ZUP1: variants seen among roughly 807,000 people sequenced by gnomAD.
The protein encoded by ZUP1 is zinc finger containing ubiquitin peptidase 1.
ZUP1 carries 55 observed loss-of-function variants against 68.1 expected under a neutral mutation model. That is an observed-to-expected ratio of 0.81 (90% CI 0.65 to 1.01). The LOEUF is 1.01. Among genes scored for constraint, ZUP1 ranks in the 50% least tolerant of loss-of-function variants. The probability of loss-of-function intolerance (pLI) is 0.00; values close to 1 mark genes in which losing one functional copy is unlikely to be tolerated. For synonymous variants in ZUP1, 223 were observed against 221.5 expected (o/e 1.01, Z -0.06); for missense variants, 684 against 674.9 (o/e 1.01, Z -0.15).
intron 7 of ZUP1, among the ~76,000 whole-genome samples, chr6:116,650,459 G>A (rs1583369530): frequency 6.7e-6 from 1 of 149,956 alleles, no homozygotes; most frequent in African/African-American, 2.5e-5. Flanking sequence ...TAGTTCAGTG[G>A]CCAACTATCA....
intron 8 of ZUP1, chr6:116,646,153 A>T (rs1394034109): frequency 1.0e-5 from 4 of 386,702 alleles, no homozygotes; most frequent in Non-Finnish European, 1.8e-5. Flanking sequence ...ACCAAAAAAA[A>T]CATTTTTATT....
At chr6:116,668,026 T>G (rs1187368371) in intron 1 of ZUP1, among the ~76,000 whole-genome samples, 1 of 152,090 alleles carries the variant, frequency 6.6e-6, no homozygotes, top group Non-Finnish European at 1.5e-5. Flanking sequence ...AAAAAATAAT[T>G]TTAAAAAAAG....
Position 116,666,996 on chromosome 6 carries a change from T to C in ZUP1, c.197A>G (p.Asn66Ser). 1 of 1,613,800 alleles carries C rather than the reference T, an allele frequency of 6.2e-7. No homozygotes were observed. Among genetic ancestry groups the C allele is most frequent in the Admixed American group, 1.7e-5 (1 of 60,008 alleles). Reference protein sequence around the residue: ...NTLERNFERINTVQYGTSDNK... With the variant: ...NTLERNFERISTVQYGTSDNK... ...ATCTGAAGTTCCATATTGTACTGTA[T>C]TTATCCTCTCAAAGTTTCTTTCAAG... The change falls in exon 2 of 10, where the codon AAT becomes AGT. Residue 66 changes from asparagine (N) to serine (S), a missense_variant. Physicochemically the swap from Asn to Ser is conservative, Grantham distance 46. Transcript: ENST00000368576.
Position 116,645,927 on chromosome 6 carries a change from A to T in ZUP1, c.1476T>A (p.Ser492Arg). 6.2e-7 allele frequency: 1 copy of T among 1,608,276 alleles called. No homozygotes were observed. The highest frequency in any genetic ancestry group is 1.1e-5 in the South Asian group (1 of 90,100). The change falls in exon 9 of 10, where the codon AGT becomes AGA. Residue 492 changes from serine (S) to arginine (R), a missense_variant. Transcript: ENST00000368576. ...TCTCTTCAATTCCAATAACAGTTCG[A>T]CTGTGACCTATCAAAAGATTTTTAA... ...PPIYLQHQGH[S>R]RTVIGIEEKK...
At chr6:116,659,657 A>ACAAAGTG (rs1456052517) in intron 3 of ZUP1, among the ~76,000 whole-genome samples, 1 of 152,154 alleles carries the variant, frequency 6.6e-6, no homozygotes, top group African/African-American at 2.4e-5. Context: ...ATACACATTT[A>ACAAAGTG]CAAAGTGCAG....
chr6:116,656,594 T>C (rs1006660143), intron 5 of ZUP1, 90 bp downstream of exon 5: 45 of 1,089,632 alleles, frequency 4.1e-5, no homozygotes, highest in Non-Finnish European at 5.6e-5. Context: ...GCACAGATTA[T>C]GAAAATTAAG....
At chr6:116,638,003 T>C (rs1420052611) in intron 9 of ZUP1, among the ~76,000 whole-genome samples, 1 of 150,798 alleles carries the variant, frequency 6.6e-6, no homozygotes, top group East Asian at 1.9e-4. Context: ...GAGGCAGAGG[T>C]TGCAGTGGGC....
At chr6:116,664,629 A>G (rs1776944348) in intron 2 of ZUP1, among the ~76,000 whole-genome samples, 1 of 152,186 alleles carries the variant, frequency 6.6e-6, no homozygotes, top group African/African-American at 2.4e-5. Flanking sequence ...AGAACGAGGG[A>G]AAAACTGTCC....
chr6:116,647,973 C>T (rs1776365729), intron 7 of ZUP1, among the ~76,000 whole-genome samples: 1 of 152,138 alleles, frequency 6.6e-6, no homozygotes, highest in Non-Finnish European at 1.5e-5. Flanking sequence ...GTCATCTACA[C>T]ATAATTTTTT....
intron 9 of ZUP1, among the ~76,000 whole-genome samples, chr6:116,641,334 C>T (rs568630478): frequency 3.3e-5 from 5 of 152,104 alleles, no homozygotes; most frequent in South Asian, 2.1e-4. Flanking sequence ...CTGCACCAAG[C>T]GGACCTAATA....
At chr6:116,639,642 G>A (rs1219172263) in intron 9 of ZUP1, among the ~76,000 whole-genome samples, 6 of 152,288 alleles carry the variant, frequency 3.9e-5, no homozygotes, top group African/African-American at 1.4e-4. Context: ...CTGTTAGAAG[G>A]AAAACTAACA....
Position 116,662,179 on chromosome 6 carries a change from A to G in ZUP1, c.560-1333T>C, listed in dbSNP as rs76449097. Among the ~76,000 whole-genome samples the G allele has an allele frequency of 6.4e-3, 975 of 152,376 alleles. 12 individuals are homozygous for G. The highest frequency in any genetic ancestry group is 0.022 in the African/African-American group (921 of 41,590). ...TAAGAAATAATGGTATACAGCTTCC[A>G]TAAGTAATGCTGGCGGATGTAAGAG... On this transcript the variant is annotated intron_variant, in intron 2 of 9. Coordinates refer to ENST00000368576, the MANE Select transcript of ZUP1 (RefSeq NM_145062.3).
At chr6:116,666,131 A>T (rs530185656) in intron 2 of ZUP1, among the ~76,000 whole-genome samples, 5 of 152,316 alleles carry the variant, frequency 3.3e-5, no homozygotes, top group African/African-American at 1.2e-4. Flanking sequence ...AAACAACAGG[A>T]TCTAGTGACA....
chr6:116,667,230 G>T, intron 1 of ZUP1, 23 bp from the exon 2 acceptor site: 1 of 1,403,748 alleles, frequency 7.1e-7, no homozygotes, highest in African/African-American at 1.5e-5. Context: ...ATAACATTAG[G>T]TTTCAAAGAT....
intron 9 of ZUP1, among the ~76,000 whole-genome samples, chr6:116,640,718 C>T (rs1776070159): frequency 6.6e-6 from 1 of 151,834 alleles, no homozygotes; most frequent in Non-Finnish European, 1.5e-5. Flanking sequence ...CAACCGGTAC[C>T]AGCCACTGCA....
At chr6:116,665,760 T>TG (rs994725145) in intron 2 of ZUP1, among the ~76,000 whole-genome samples, 10 of 149,794 alleles carry the variant, frequency 6.7e-5, no homozygotes, top group Admixed American at 4.0e-4. Context: ...TTTGGTTTTT[T>TG]TTTTTTTTTT....
intron 9 of ZUP1, among the ~76,000 whole-genome samples, chr6:116,644,485 T>G (rs972046826): frequency 1.1e-4 from 17 of 152,154 alleles, no homozygotes; most frequent in African/African-American, 4.1e-4. Flanking sequence ...GTGGCACATA[T>G]ATACCATGGA....
intron 2 of ZUP1, among the ~76,000 whole-genome samples, chr6:116,664,574 A>C (rs1361428809): frequency 1.3e-5 from 2 of 152,224 alleles, no homozygotes; most frequent in Non-Finnish European, 2.9e-5. Flanking sequence ...TTTAAAACTC[A>C]AAGAAAAGAA....
intron 2 of ZUP1, among the ~76,000 whole-genome samples, chr6:116,665,446 A>C (rs1471964225): frequency 2.0e-5 from 3 of 152,172 alleles, no homozygotes; most frequent in Non-Finnish European, 4.4e-5. Context: ...ATTAAAATTA[A>C]AAACTTCTAC....
Sources: allele counts gnomAD v4.1 joint callset (sites outside exome capture counted in the v4.1 genomes callset), GRCh38; gene constraint gnomAD v4.1.1; transcripts MANE v1.5; gene names NCBI Gene and HGNC (gene_info 2026-07-23, HGNC 2026-07-21).